TREML1: variants seen among roughly 807,000 people sequenced by gnomAD.
The protein encoded by TREML1 is triggering receptor expressed on myeloid cells like 1.
In TREML1, 27 loss-of-function variants were observed where a neutral mutation model predicts 22.8. The ratio of observed to expected loss-of-function variants is 1.19; its 90% CI spans 0.87 to 1.64. The LOEUF (loss-of-function observed/expected upper bound fraction) is 1.64, where lower values mean the gene tolerates loss of function less well. TREML1 is among the 40% of genes most tolerant of loss of function. The probability of loss-of-function intolerance (pLI) is 0.00; values close to 1 mark genes in which losing one functional copy is unlikely to be tolerated. For synonymous variants in TREML1, 153 were observed against 161.9 expected (o/e 0.94, Z 0.42); for missense variants, 356 against 382.0 (o/e 0.93, Z 0.57).
Position 41,150,843 on chromosome 6 carries a change from C to T in TREML1, c.544G>A (p.Ala182Thr), listed in dbSNP as rs766289022. Residue 182 changes from alanine (A) to threonine (T), a missense_variant, in exon 4 of 6, where the codon GCT (alanine) becomes ACT (threonine). Transcript: ENST00000426005. ...CCTTGTTTCCTCTTGGCCATCACAG[C>T]AAACAGCACCACCGCTGCCACCAGC... is the stretch of plus-strand genomic sequence containing the variant. ...GLLVAAVVLF[A>T]VMAKRKQGNR... The T allele has an allele frequency of 6.2e-7, 1 of 1,614,096 alleles. No individual in the cohort carries two copies. The highest frequency in any genetic ancestry group is 1.1e-5 in the South Asian group (1 of 91,078).
At chr6:41,155,303 G>A (rs187121867), upstream of TREML1, among the ~76,000 whole-genome samples, 248 of 151,966 alleles carry the variant, frequency 1.6e-3, 1 homozygote, top group Non-Finnish European at 2.7e-3. Context: ...AACATACCTT[G>A]AGTGCAACGT....
chr6:41,150,938 G>T, intron 3 of TREML1, 31 bp from the exon 4 acceptor site: 1 of 1,595,124 alleles, frequency 6.3e-7, no homozygotes, highest in South Asian at 1.1e-5. Flanking sequence ...GGCAGGCTTA[G>T]ACCTGAAGCC....
rs748363909 is a variant in TREML1 at position 41,149,688 on chromosome 6, T to A, written c.852A>T (p.Val284=). Residue 284 remains valine (V), a synonymous_variant, in exon 6 of 6, where the codon GTA becomes GTT. Coordinates refer to ENST00000426005, the MANE Select transcript of TREML1 (RefSeq NM_178174.4). Reference sequence around the variant, plus strand: ...CACCCTTGTTCCCTCCCGGGAAGATTACTGTGGCATATGTCACAGGCTTGG... The same window carrying A: ...CACCCTTGTTCCCTCCCGGGAAGATAACTGTGGCATATGTCACAGGCTTGG... The part of the protein sequence containing the change: ...VCSKPVTYAT[V]IFPGGNKGGG... 1.2e-5 allele frequency: 20 copies of A among 1,614,044 alleles called. No individual in the cohort carries two copies. The Admixed American group carries it at 1.8e-4, about 15-fold the overall frequency.
At chr6:41,154,999 A>T, upstream of TREML1, among the ~76,000 whole-genome samples, 1 of 150,880 alleles carries the variant, frequency 6.6e-6, no homozygotes, top group African/African-American at 2.4e-5. Flanking sequence ...TTTCTATCTC[A>T]TTTTCCATCT....
upstream of TREML1, chr6:41,154,436 T>C (rs926502811): frequency 5.9e-6 from 4 of 676,628 alleles, no homozygotes; most frequent in Non-Finnish European, 1.0e-5. Flanking sequence ...AGGGAGTTCT[T>C]CCAAGCCCTG....
chr6:41,149,996 T>A, intron 5 of TREML1, 78 bp from the exon 6 acceptor site: 2 of 1,370,370 alleles, frequency 1.5e-6, no homozygotes, highest in Non-Finnish European at 2.0e-6. Flanking sequence ...AGGACCACAC[T>A]AGATCTATCT....
chr6:41,149,854 A>G lies in TREML1; in HGVS notation c.686T>C (p.Val229Ala). The change falls in exon 6 of 6, where the codon GTA becomes GCA. Residue 229 changes from valine (V) to alanine (A), a missense_variant. Val to Ala is a moderately conservative substitution (Grantham distance 64). Coordinates refer to ENST00000426005, the MANE Select transcript of TREML1 (RefSeq NM_178174.4). ...TGGTGAGTCAAGCCTAATGTGTGGT[A>G]CATCCAAAGGCAATTCAGCAGCCGG... ...SGPAAELPLD[V>A]PHIRLDSPPS... 6.2e-7 allele frequency: 1 copy of G among 1,614,178 alleles called. No homozygotes were observed. The highest frequency in any genetic ancestry group is 8.5e-7 in the Non-Finnish European group (1 of 1,180,040).
rs914514647 is a variant in TREML1 at position 41,154,162 on chromosome 6, G to T, written c.44-72C>A. 6 of 1,588,194 alleles carry T rather than the reference G, an allele frequency of 3.8e-6. No homozygotes were observed. The East Asian group carries it at 1.1e-4, about 30-fold the overall frequency. On this transcript the variant is annotated intron_variant, in intron 1 of 5. Coordinates refer to ENST00000426005, the MANE Select transcript of TREML1 (RefSeq NM_178174.4). ...TCTCCCAGCCCAGCTGCTGGTATGG[G>T]TGTGGCATTCACAATAACACGTTAC...
intron 2 of TREML1, chr6:41,151,640 T>TC (rs959094564): frequency 2.3e-5 from 11 of 487,918 alleles, no homozygotes; most frequent in Admixed American, 2.0e-4. Flanking sequence ...TACCACCAGC[T>TC]CCCCCCATCT....
In TREML1 at chr6:41,154,108, G is replaced by T; in HGVS notation, c.44-18C>A. On this transcript the variant is annotated intron_variant, in intron 1 of 5. Transcript: ENST00000426005. Reference sequence around the variant, plus strand: ...GCCCTGACCTGGGGAAGGAAAGGAGGTGGGAATTTTGGGCAGGAGCTGGGA... The same window carrying T: ...GCCCTGACCTGGGGAAGGAAAGGAGTTGGGAATTTTGGGCAGGAGCTGGGA... 6.2e-7 allele frequency: 1 copy of T among 1,604,022 alleles called. No individual in the cohort carries two copies. Among genetic ancestry groups the T allele is most frequent in the East Asian group, 2.2e-5 (1 of 44,708 alleles).
chr6:41,153,664 G>A (rs1185601632), intron 2 of TREML1, 94 bp downstream of exon 2: 1 of 1,333,634 alleles, frequency 7.5e-7, no homozygotes, highest in Middle Eastern at 1.9e-4. Context: ...TCCTCCCCAG[G>A]GGCCCCCACT....
At chr6:41,155,058 A>G (rs1765384954), upstream of TREML1, among the ~76,000 whole-genome samples, 1 of 151,362 alleles carries the variant, frequency 6.6e-6, no homozygotes, top group Admixed American at 6.6e-5. Context: ...ATTTTCTTCC[A>G]TCCTTCTATT....
Position 41,149,931 on chromosome 6 carries a change from C to T in TREML1, c.622-13G>A. ...CTGAGGAGGGATTCTGTAACAAAAG[C>T]AGGCAAGTCAGGAATGCCTCCCTCT... On this transcript the variant is annotated splice_polypyrimidine_tract_variant and intron_variant, in intron 5 of 5. Transcript: ENST00000426005. The T allele has an allele frequency of 6.2e-7, 1 of 1,606,506 alleles. No individual in the cohort carries two copies. The highest frequency in any genetic ancestry group is 1.1e-5 in the South Asian group (1 of 90,374).
At position 41,150,323 on chromosome 6, in the gene TREML1, C is replaced by G. The variant is rs778978923; in HGVS notation, c.569-10G>C. On this transcript the variant is annotated splice_polypyrimidine_tract_variant and intron_variant, in intron 4 of 5. Transcript: ENST00000426005. The stretch of plus-strand genomic sequence containing the variant: ...ACACCAAGCCTGTTCCCTGGCAGGA[C>G]AGACAACAGCAGCATAGTCTGCTTC... 1.1e-5 allele frequency: 17 copies of G among 1,613,862 alleles called. No homozygotes were observed. Among genetic ancestry groups the G allele is most frequent in the Non-Finnish European group, 1.4e-5 (17 of 1,179,896 alleles).
rs949349798 is a variant in TREML1 at position 41,153,917 on chromosome 6, C to G, written c.217G>C (p.Ala73Pro). 1.2e-6 allele frequency: 2 copies of G among 1,614,092 alleles called. No homozygotes were observed. Among genetic ancestry groups the G allele is most frequent in the Admixed American group, 1.7e-5 (1 of 60,008 alleles). The change falls in exon 2 of 6, where the codon GCG becomes CCG. Residue 73 changes from alanine (A) to proline (P), a missense_variant. Transcript: ENST00000426005. The stretch of plus-strand genomic sequence containing the variant: ...TCTGTGAGAAACGTACGCCTGCCCG[C>G]TGGAGCTCTGCGATCCACAGCTGAG... ...VSSAVDRRAP[A>P]GRRTFLTDLG...
At chr6:41,151,550 G>A in intron 2 of TREML1, 166 bp from the exon 3 acceptor site, 1 of 617,586 alleles carries the variant, frequency 1.6e-6, no homozygotes, top group Non-Finnish European at 2.9e-6. Context: ...GTTCTTTAGG[G>A]GCCTGTCACT....
rs1418668145 is a variant in TREML1, at chr6:41,149,795, G to A, written c.745C>T (p.Pro249Ser). ...GGTTTTCCTGATGGGGAATCAAGAG[G>A]TAGGCTGGTGTAGGTGGTATTGTCA... ...SFDNTTYTSL[P>S]LDSPSGKPSL... Residue 249 changes from proline to serine, a missense_variant, in exon 6 of 6, where the codon CCT (proline) becomes TCT (serine). By Grantham distance (74) the Pro-to-Ser change is moderately conservative (BLOSUM62 -1). Coordinates refer to ENST00000426005, the MANE Select transcript of TREML1 (RefSeq NM_178174.4). The A allele has an allele frequency of 6.8e-6, 11 of 1,614,154 alleles. No homozygotes were observed. Among genetic ancestry groups the A allele is most frequent in the Admixed American group, 1.7e-5 (1 of 60,012 alleles).
chr6:41,154,258 G>T lies in TREML1; in HGVS notation c.31C>A (p.Leu11Met). The T allele has an allele frequency of 1.2e-6, 2 of 1,614,084 alleles. No individual in the cohort carries two copies. The highest frequency in any genetic ancestry group is 1.7e-6 in the Non-Finnish European group (2 of 1,180,006). MGLTLLLLLL[L>M]GLEGQGIVGS... ...TCCTGAACCTTACCTTCTAGTCCCA[G>T]GAGCAGCAGCAAGAGCAGGGTGAGG... Residue 11 changes from leucine (L) to methionine (M), a missense_variant, in exon 1 of 6, where the codon CTG becomes ATG. Leu to Met is a conservative substitution (Grantham distance 15). Transcript: ENST00000426005.
Position 41,149,375 on chromosome 6 carries a change from G to A in TREML1, c.*229C>T. On this transcript the variant is annotated 3_prime_UTR_variant, in exon 6 of 6. Coordinates refer to ENST00000426005, the MANE Select transcript of TREML1 (RefSeq NM_178174.4). ...TCATTATTAGGGTTTATTTAGCCCA[G>A]TGTGTAATGGTAGAAGAACCAGTGG... 5.7e-6 allele frequency: 3 copies of A among 522,506 alleles called. No homozygotes were observed. The highest frequency in any genetic ancestry group is 6.8e-6 in the Non-Finnish European group (2 of 293,514). The allele number at this position is 522,506 out of a possible 1,614,324, so 32.4% of individuals were successfully genotyped here. A position where few individuals can be genotyped will look rare whatever the true frequency, so the allele number is the denominator to read the frequency against.
Sources: allele counts gnomAD v4.1 joint callset (sites outside exome capture counted in the v4.1 genomes callset), GRCh38; gene constraint gnomAD v4.1.1; transcripts MANE v1.5; gene names NCBI Gene and HGNC (gene_info 2026-07-23, HGNC 2026-07-21).